GALNT13: variants seen among roughly 807,000 people sequenced by gnomAD.
The protein encoded by GALNT13 is UDP-GalNAc:polypeptide N-acetylgalactosaminyltransferase 13.
A neutral mutation model predicts 64.2 loss-of-function variants in GALNT13; 28 were observed. That is an observed-to-expected ratio of 0.44 (90% CI 0.32 to 0.60). The LOEUF (loss-of-function observed/expected upper bound fraction) is 0.60, where lower values mean the gene tolerates loss of function less well. Among genes scored for constraint, GALNT13 ranks in the 20% least tolerant of loss-of-function variants. The pLI is 0.05. For missense variants in GALNT13, 577 were observed against 669.8 expected, an observed-to-expected ratio of 0.86 and a Z score of 1.53; for synonymous variants, 214 against 224.6, an observed-to-expected ratio of 0.95 and a Z score of 0.42.
chr2:153,097,276 CT>C, the GALNT13 span, among the ~76,000 whole-genome samples: 3 of 151,840 alleles, frequency 2.0e-5, no homozygotes, highest in African/African-American at 2.4e-5. Flanking sequence ...TTTATTTTTT[CT>C]ACCTAGGATA....
chr2:153,427,680 T>G, the GALNT13 span, among the ~76,000 whole-genome samples: 1 of 152,186 alleles, frequency 6.6e-6, no homozygotes, highest in Non-Finnish European at 1.5e-5. Flanking sequence ...TTGCATCATA[T>G]GAAGTTAAAG....
chr2:153,315,301 C>A, the GALNT13 span, among the ~76,000 whole-genome samples: 1 of 152,110 alleles, frequency 6.6e-6, no homozygotes, highest in East Asian at 1.9e-4. Context: ...CTGGCAAGGA[C>A]CCACTTTCTG....
chr2:153,087,533 G>A, the GALNT13 span, among the ~76,000 whole-genome samples: 2 of 152,108 alleles, frequency 1.3e-5, no homozygotes, highest in African/African-American at 2.4e-5. Context: ...CTGTCTTTTA[G>A]AATAGTTTCA....
At chr2:154,325,336 TA>T (rs2105175215) in intron 9 of GALNT13, among the ~76,000 whole-genome samples, 1 of 152,234 alleles carries the variant, frequency 6.6e-6, no homozygotes, top group South Asian at 2.1e-4. Context: ...AAAGCCATCT[TA>T]AGCTCTGTTA....
the GALNT13 span, among the ~76,000 whole-genome samples, chr2:153,131,070 T>C: frequency 6.6e-6 from 1 of 152,176 alleles, no homozygotes; most frequent in Non-Finnish European, 1.5e-5. Flanking sequence ...AAGTCTCTTA[T>C]GGTACAGGTA....
At chr2:154,109,890 C>T (rs1051155636) in intron 3 of GALNT13, among the ~76,000 whole-genome samples, 3 of 151,858 alleles carry the variant, frequency 2.0e-5, no homozygotes, top group African/African-American at 7.3e-5. Context: ...ATTATTTTTG[C>T]ATCTGTATTC....
chr2:154,295,643 G>T (rs1692880371), intron 8 of GALNT13, among the ~76,000 whole-genome samples: 1 of 152,074 alleles, frequency 6.6e-6, no homozygotes, highest in Non-Finnish European at 1.5e-5. Context: ...AAAGTGCTAG[G>T]ATTACAGGTG....
the GALNT13 span, among the ~76,000 whole-genome samples, chr2:153,418,603 C>T: frequency 1.3e-5 from 2 of 152,130 alleles, no homozygotes; most frequent in African/African-American, 2.4e-5. Context: ...GAGAAATGAA[C>T]ATTGTTTTTA....
At chr2:153,125,758 T>C in the GALNT13 span, among the ~76,000 whole-genome samples, 111,636 of 152,104 alleles carry the variant, frequency 0.73, 42,108 homozygotes, top group South Asian at 0.84. Flanking sequence ...TAAGCCTATG[T>C]GTGATTGCTG....
chr2:153,111,059 A>G, the GALNT13 span, among the ~76,000 whole-genome samples: 1 of 152,080 alleles, frequency 6.6e-6, no homozygotes, highest in African/African-American at 2.4e-5. Flanking sequence ...AGAGACATAG[A>G]TTAATGTGAA....
the GALNT13 span, among the ~76,000 whole-genome samples, chr2:153,288,812 T>C: frequency 1.3e-5 from 2 of 152,178 alleles, no homozygotes; most frequent in East Asian, 1.9e-4. Context: ...CTGTCTGCGG[T>C]TTCAGGCATT....
At chr2:153,385,080 T>C in the GALNT13 span, among the ~76,000 whole-genome samples, 2 of 152,106 alleles carry the variant, frequency 1.3e-5, no homozygotes. Flanking sequence ...TCATACACTG[T>C]TGGTAGCAAT....
chr2:153,332,210 T>C, the GALNT13 span, among the ~76,000 whole-genome samples: 1 of 152,206 alleles, frequency 6.6e-6, no homozygotes, highest in Non-Finnish European at 1.5e-5. Context: ...TTTCTTTTCT[T>C]CTGCTAGCTT....
intron 4 of GALNT13, among the ~76,000 whole-genome samples, chr2:154,152,709 C>T (rs1465146661): frequency 1.3e-5 from 2 of 152,170 alleles, no homozygotes; most frequent in African/African-American, 2.4e-5. Context: ...ACTCTTTCTT[C>T]CAGTTGATCG....
At chr2:153,432,523 G>C in the GALNT13 span, among the ~76,000 whole-genome samples, 4 of 152,206 alleles carry the variant, frequency 2.6e-5, no homozygotes, top group East Asian at 7.7e-4. Flanking sequence ...ATTTCTTCAA[G>C]GTCAGTGACC....
At chr2:153,394,998 C>A in the GALNT13 span, among the ~76,000 whole-genome samples, 3 of 152,130 alleles carry the variant, frequency 2.0e-5, no homozygotes, top group Admixed American at 1.3e-4. Flanking sequence ...AACTTCCTTG[C>A]AGTTGCATTA....
At chr2:154,399,746 A>G (rs1699214774) in intron 10 of GALNT13, among the ~76,000 whole-genome samples, 3 of 152,188 alleles carry the variant, frequency 2.0e-5, no homozygotes, top group Non-Finnish European at 2.9e-5. Flanking sequence ...ACCTTTTGTT[A>G]TATGTTGAAA....
intron 3 of GALNT13, among the ~76,000 whole-genome samples, chr2:153,968,649 C>T (rs992087129): frequency 2.6e-5 from 4 of 152,130 alleles, no homozygotes; most frequent in Non-Finnish European, 4.4e-5. Flanking sequence ...TTGGTCAGTT[C>T]GTTCTACCTT....
In GALNT13 at chr2:154,181,041, A is replaced by G. The variant is rs115338370; in HGVS notation, c.311+40536A>G. Among the ~76,000 whole-genome samples the G allele has an allele frequency of 5.9e-5, 9 of 152,284 alleles. No homozygotes were observed. In the South Asian group the frequency reaches 1.9e-3, roughly 32 times the overall value. ...TGCCATAGGAAAGAGCCAACTTTTC[A>G]TATCTGTGGTTTTCACAGGGCCAAC... On this transcript the variant is annotated intron_variant, in intron 4 of 12. Transcript: ENST00000392825.
Sources: gnomAD v4.1 joint callset for allele counts (sites outside exome capture counted in the v4.1 genomes callset) on GRCh38, gnomAD v4.1.1 for gene constraint, MANE v1.5 for transcripts, NCBI Gene and HGNC (gene_info 2026-07-23, HGNC 2026-07-21) for gene names.